STPG2: variants seen among roughly 807,000 people sequenced by gnomAD.
STPG2 encodes sperm-tail PG-rich repeat-containing protein 2.
Under a neutral mutation model 54.2 loss-of-function variants are expected in STPG2, and 56 were observed. The observed-to-expected ratio is 1.03, with a 90% CI of 0.83 to 1.29. STPG2 has a LOEUF of 1.29. Among genes scored for constraint, STPG2 ranks in the 50% most tolerant of loss-of-function variants. The probability of loss-of-function intolerance (pLI) is 0.00; values close to 1 mark genes in which losing one functional copy is unlikely to be tolerated. For missense variants in STPG2, 596 were observed against 544.9 expected, an observed-to-expected ratio of 1.09 and a Z score of -0.93; for synonymous variants, 200 against 181.8, an observed-to-expected ratio of 1.10 and a Z score of -0.81.
chr4:97,825,032 G>GT (rs890942277), intron 9 of STPG2, among the ~76,000 whole-genome samples: 156 of 149,690 alleles, frequency 1.0e-3, no homozygotes, highest in African/African-American at 2.1e-3. Context: ...AAATTTAAAA[G>GT]TTTTTTTTTT....
intron 9 of STPG2, among the ~76,000 whole-genome samples, chr4:97,832,839 C>T (rs1728509800): frequency 6.6e-6 from 1 of 152,012 alleles, no homozygotes; most frequent in South Asian, 2.1e-4. Flanking sequence ...TACTACAAAC[C>T]ACTGCTCAAG....
At chr4:97,858,512 C>A (rs1288407972) in intron 8 of STPG2, among the ~76,000 whole-genome samples, 1 of 152,128 alleles carries the variant, frequency 6.6e-6, no homozygotes, top group Non-Finnish European at 1.5e-5. Flanking sequence ...GTCACCTGAG[C>A]AGTATACACT....
rs531776172 is a variant in STPG2, at chr4:97,973,070, G to A, written c.773-630C>T. ...AAGCAACTTTGGAACTGGGTAACAG[G>A]CATGGGTTGGAACAGTTTAGAAGGC... On this transcript the variant is annotated intron_variant, in intron 6 of 10. Coordinates refer to ENST00000295268, the MANE Select transcript of STPG2 (RefSeq NM_174952.3). 2.6e-5 allele frequency among the ~76,000 whole-genome samples: 4 copies of A among 152,310 alleles called. No individual in the cohort carries two copies. The South Asian group carries it at 8.3e-4, about 32-fold the overall frequency.
At chr4:97,988,536 A>G (rs1734896650) in intron 5 of STPG2, among the ~76,000 whole-genome samples, 1 of 152,182 alleles carries the variant, frequency 6.6e-6, no homozygotes, top group South Asian at 2.1e-4. Context: ...CACTGACTAC[A>G]TTATGAATTT....
chr4:97,667,496 A>G (rs1722565099), intron 10 of STPG2, among the ~76,000 whole-genome samples: 1 of 152,172 alleles, frequency 6.6e-6, no homozygotes, highest in Non-Finnish European at 1.5e-5. Context: ...ATTTATCTCC[A>G]TAACTTAGAA....
intron 4 of STPG2, among the ~76,000 whole-genome samples, chr4:97,523,806 TG>T (rs1731227811): frequency 6.6e-6 from 1 of 152,016 alleles, no homozygotes; most frequent in African/African-American, 2.4e-5. Flanking sequence ...ACCTATTATG[TG>T]GCAGTCACTG....
intron 5 of STPG2, among the ~76,000 whole-genome samples, chr4:98,042,706 ACTT>A (rs1219044568): frequency 1.5e-5 from 2 of 137,696 alleles, no homozygotes; most frequent in Non-Finnish European, 3.2e-5. Flanking sequence ...ATTTATTGAA[ACTT>A]CTTCTCTGAC....
intron 10 of STPG2, among the ~76,000 whole-genome samples, chr4:97,703,591 A>G (rs1466304687): frequency 1.2e-5 from 1 of 82,418 alleles, no homozygotes; most frequent in African/African-American, 5.5e-5. Context: ...TAGTATATAT[A>G]TACTATAAGT....
At chr4:97,464,813 C>T (rs1462982514) in intron 4 of STPG2, among the ~76,000 whole-genome samples, 2 of 152,082 alleles carry the variant, frequency 1.3e-5, no homozygotes, top group Non-Finnish European at 2.9e-5. Context: ...TGTATTCTTG[C>T]ATAGGTATAT....
chr4:97,768,092 A>G (rs545866254), intron 9 of STPG2, among the ~76,000 whole-genome samples: 47 of 151,712 alleles, frequency 3.1e-4, no homozygotes, highest in African/African-American at 8.2e-4. Context: ...TCGTGAACCC[A>G]GGAGGCGGAT....
chr4:97,741,595 C>T (rs965902335), intron 9 of STPG2, among the ~76,000 whole-genome samples: 2 of 152,090 alleles, frequency 1.3e-5, no homozygotes, highest in African/African-American at 2.4e-5. Flanking sequence ...TGTATGCAGC[C>T]AAGAAACACA....
At chr4:97,745,631 A>G (rs1725400889) in intron 9 of STPG2, among the ~76,000 whole-genome samples, 1 of 151,176 alleles carries the variant, frequency 6.6e-6, no homozygotes, top group African/African-American at 2.4e-5. Context: ...CTCTTAATTT[A>G]TAAGAAAACA....
chr4:97,880,377 T>A (rs572267455), intron 8 of STPG2, among the ~76,000 whole-genome samples: 1 of 152,154 alleles, frequency 6.6e-6, no homozygotes, highest in Non-Finnish European at 1.5e-5. Context: ...ACAGAGCAAG[T>A]ATGCCCAAAT....
chr4:97,630,679 C>A (rs1721243916), intron 10 of STPG2, among the ~76,000 whole-genome samples: 1 of 151,508 alleles, frequency 6.6e-6, no homozygotes, highest in Admixed American at 6.6e-5. Context: ...GGATTGAAAG[C>A]AGAAATATCA....
chr4:97,836,369 G>GT (rs144752839), intron 9 of STPG2, among the ~76,000 whole-genome samples: 9,233 of 151,698 alleles, frequency 0.061, 364 homozygotes, highest in Admixed American at 0.12. Context: ...ATTGTTAGCA[G>GT]TTTTTTTTAG....
intron 5 of STPG2, among the ~76,000 whole-genome samples, chr4:98,063,188 C>T (rs1309901029): frequency 3.3e-5 from 5 of 152,108 alleles, no homozygotes; most frequent in African/African-American, 9.7e-5. Context: ...CGGTGGCTCA[C>T]GCCTGTAATC....
At chr4:97,559,333 T>A (rs1484188538) in intron 10 of STPG2, among the ~76,000 whole-genome samples, 1 of 152,206 alleles carries the variant, frequency 6.6e-6, no homozygotes, top group African/African-American at 2.4e-5. Context: ...TAATTTTATA[T>A]CTAAGTCTAG....
chr4:97,902,255 G>A (rs1337200226), intron 8 of STPG2, among the ~76,000 whole-genome samples: 1 of 152,092 alleles, frequency 6.6e-6, no homozygotes. Flanking sequence ...ATAATCTCAT[G>A]GATCTGAGAT....
chr4:98,079,325 G>A (rs1738266671), intron 5 of STPG2, among the ~76,000 whole-genome samples: 1 of 152,204 alleles, frequency 6.6e-6, no homozygotes, highest in Non-Finnish European at 1.5e-5. Flanking sequence ...CCAAAGGGCA[G>A]TGTTGGCAAT....
Sources: allele counts gnomAD v4.1 joint callset (sites outside exome capture counted in the v4.1 genomes callset), GRCh38; gene constraint gnomAD v4.1.1; transcripts MANE v1.5; gene names NCBI Gene and HGNC (gene_info 2026-07-23, HGNC 2026-07-21).